Variants in PKM observed in about 807,000 individuals in gnomAD.
PKM encodes the protein pyruvate kinase PKM.
Under a neutral mutation model 49.8 loss-of-function variants are expected in PKM, and 18 were observed. The observed-to-expected ratio is 0.36, with a 90% confidence interval of 0.25 to 0.54. The LOEUF (loss-of-function observed/expected upper bound fraction) is 0.54. PKM is among the 20% of genes least tolerant of loss of function. The pLI, the probability that PKM is intolerant of heterozygous loss-of-function variation, is 0.89. For synonymous variants in PKM, 239 were observed against 261.8 expected, an observed-to-expected ratio of 0.91 and a Z score of 0.84; for missense variants, 508 against 713.8, an observed-to-expected ratio of 0.71 and a Z score of 3.28.
intron 3 of PKM, among the ~76,000 whole-genome samples, chr15:72,211,827 A>T (rs2082261330): frequency 6.6e-6 from 1 of 151,226 alleles, no homozygotes; most frequent in Non-Finnish European, 1.5e-5. Context: ...AAAAAAAAAA[A>T]GACGCAGAGC....
chr15:72,219,249 A>T, intron 1 of PKM, 139 bp from the exon 2 acceptor site: 1 of 740,552 alleles, frequency 1.4e-6, no homozygotes, highest in African/African-American at 1.8e-5. Context: ...GCCAGACATG[A>T]TCTGGTTATG....
intron 1 of PKM, chr15:72,229,817 T>C (rs1329724107): frequency 4.8e-5 from 25 of 519,926 alleles, no homozygotes; most frequent in Non-Finnish European, 6.5e-5. Flanking sequence ...ACGCGACAGA[T>C]TTCCTGCCCC....
chr15:72,218,661 C>T (rs987674140), intron 2 of PKM, among the ~76,000 whole-genome samples: 2 of 151,174 alleles, frequency 1.3e-5, no homozygotes, highest in Non-Finnish European at 1.5e-5. Flanking sequence ...TTTCGAGGCT[C>T]AGGCAATCCT....
At chr15:72,209,484 A>C in intron 5 of PKM, 189 bp downstream of exon 5, 1 of 466,646 alleles carries the variant, frequency 2.1e-6, no homozygotes, top group Non-Finnish European at 3.9e-6. Flanking sequence ...TGTTCTCCAG[A>C]ACCAGAAGAA....
intron 6 of PKM, among the ~76,000 whole-genome samples, chr15:72,207,582 G>A (rs7170259): frequency 7.9e-4 from 121 of 152,342 alleles, no homozygotes; most frequent in African/African-American, 2.7e-3. Context: ...TCCCATGCAT[G>A]TTAGGGGTCT....
intron 1 of PKM, among the ~76,000 whole-genome samples, chr15:72,224,636 G>A (rs1050416092): frequency 2.0e-5 from 3 of 152,146 alleles, no homozygotes; most frequent in African/African-American, 7.2e-5. Context: ...GCTGAGGCGG[G>A]CAGATCACTT....
At position 72,205,758 on chromosome 15, in the gene PKM, G is replaced by A. The variant is rs1014179438; in HGVS notation, c.1140+970C>T. Among the ~76,000 whole-genome samples, 3 of 151,442 alleles carry A rather than the reference G, an allele frequency of 2.0e-5. No homozygotes were observed. The Admixed American group carries it at 2.0e-4, about 10-fold the overall frequency. On this transcript the variant is annotated intron_variant, in intron 8 of 10. Transcript: ENST00000335181. ...TAGAAAGGGAATAGAAAGGCTGAAG[G>A]AAAACCATATCTGGATAAAGTTTAA...
At chr15:72,216,737 A>G (rs2082386432) in intron 3 of PKM, among the ~76,000 whole-genome samples, 1 of 152,240 alleles carries the variant, frequency 6.6e-6, no homozygotes, top group Non-Finnish European at 1.5e-5. Flanking sequence ...AACAGCTGCT[A>G]CCTGGCTCCT....
chr15:72,207,038 C>A, intron 7 of PKM, 89 bp downstream of exon 7: 1 of 1,546,448 alleles, frequency 6.5e-7, no homozygotes, highest in Admixed American at 1.7e-5. Context: ...TGCGACAATT[C>A]CATGGGAAGA....
At chr15:72,220,638 G>A (rs777835720) in intron 1 of PKM, among the ~76,000 whole-genome samples, 3 of 152,138 alleles carry the variant, frequency 2.0e-5, no homozygotes, top group South Asian at 2.1e-4. Flanking sequence ...TATCTACTAC[G>A]TACCAAAATG....
Position 72,203,643 on chromosome 15 carries a change from G to A in PKM, c.1141-1023C>T, listed in dbSNP as rs8192421. The A allele has an allele frequency of 9.4e-4, 187 of 198,752 alleles. 4 individuals carry two copies. In the East Asian group the frequency reaches 0.022, roughly 24 times the overall value. The allele number at this position is 198,752 out of a possible 1,614,324, so 12.3% of individuals were successfully genotyped here. ...GCCTCCATGCATGCATGGAGTGAGC[G>A]CTCACTTGGCTTCAGGCACGGGGAT... On this transcript the variant is annotated intron_variant, in intron 8 of 10. Coordinates refer to ENST00000335181, the MANE Select transcript of PKM (RefSeq NM_002654.6).
At position 72,212,810 on chromosome 15, in the gene PKM, G is replaced by T. The variant is rs1013097696; in HGVS notation, c.247-2332C>A. Reference sequence around the variant, plus strand: ...ACTCAGGCCAGGCGCAGTGGCTCACGCCTGTAATCCCAGCACTTTGGGAGG... The same window carrying T: ...ACTCAGGCCAGGCGCAGTGGCTCACTCCTGTAATCCCAGCACTTTGGGAGG... On this transcript the variant is annotated intron_variant, in intron 3 of 10. Coordinates refer to ENST00000335181, the MANE Select transcript of PKM (RefSeq NM_002654.6). Among the ~76,000 whole-genome samples the T allele has an allele frequency of 1.4e-4, 21 of 152,154 alleles. 1 individual carries two copies. The South Asian group carries it at 2.1e-3, about 15-fold the overall frequency.
rs2081960470 is a variant in PKM at position 72,202,135 on chromosome 15, T to G, written c.1307+319A>C. On this transcript the variant is annotated intron_variant, in intron 9 of 10. Coordinates refer to ENST00000335181, the MANE Select transcript of PKM (RefSeq NM_002654.6). The surrounding 1 kb of genome is among the most constrained non-coding windows in gnomAD (Gnocchi z 4.5). Reference sequence around the variant, plus strand: ...ACTGGAATAAGCAAAAGTGGTTATCTTTTACAATTTTAGAGGACTAAATTT... The same window carrying G: ...ACTGGAATAAGCAAAAGTGGTTATCGTTTACAATTTTAGAGGACTAAATTT... 2.5e-6 allele frequency: 1 copy of G among 392,650 alleles called. No individual in the cohort carries two copies. The allele number at this position is 392,650 out of a possible 1,614,324, so 24.3% of individuals were successfully genotyped here.
intron 1 of PKM, among the ~76,000 whole-genome samples, chr15:72,229,883 G>A (rs1356636585): frequency 6.7e-6 from 1 of 149,420 alleles, no homozygotes; most frequent in Non-Finnish European, 1.5e-5. Flanking sequence ...CAATCAGGAC[G>A]CATTTGTTAA....
intron 6 of PKM, among the ~76,000 whole-genome samples, 182 bp downstream of exon 6, chr15:72,208,439 A>T (rs1357796897): frequency 1.3e-5 from 2 of 151,608 alleles, no homozygotes; most frequent in African/African-American, 2.4e-5. Context: ...AAAAACAAAA[A>T]AACAAAAACA....
chr15:72,199,377 G>A lies in PKM; in HGVS notation c.*273C>T, dbSNP rs1431118480. On this transcript the variant is annotated 3_prime_UTR_variant, in exon 11 of 11. Transcript: ENST00000335181. ...CAGGAAAGGAAGCTGTCACCCTCTTGCCATCTGGCTCCAGGGGCCTCCAGT... is the reference window on the plus strand; with the variant it reads ...CAGGAAAGGAAGCTGTCACCCTCTTACCATCTGGCTCCAGGGGCCTCCAGT... 1.5e-6 allele frequency: 1 copy of A among 648,492 alleles called. No individual in the cohort carries two copies. The highest frequency in any genetic ancestry group is 1.8e-5 in the African/African-American group (1 of 55,992). The allele number at this position is 648,492 out of a possible 1,614,324, so 40.2% of individuals were successfully genotyped here. A position where few individuals can be genotyped will look rare whatever the true frequency, so the allele number is the denominator to read the frequency against.
chr15:72,202,383 A>G lies in PKM; in HGVS notation c.1307+71T>C. ...GTGCCACCTGAGCATTGTTCAATGG[A>G]CTGCTCCCAGGACCCCCAAGGTGAG... On this transcript the variant is annotated intron_variant, in intron 9 of 10. Transcript: ENST00000335181. This position sits in a 1 kb window ranked among gnomAD's most constrained non-coding sequence, Gnocchi z 4.5. 5.5e-6 allele frequency: 8 copies of G among 1,464,320 alleles called. No individual in the cohort carries two copies. The highest frequency in any genetic ancestry group is 7.5e-6 in the Non-Finnish European group (8 of 1,062,810). 90.7% of individuals were successfully genotyped at this position (1,464,320 alleles called of 1,614,324 possible).
In PKM at chr15:72,220,337, CAT is replaced by C. The variant is rs571824320; in HGVS notation, c.-13-1229_-13-1228del. On this transcript the variant is annotated intron_variant, in intron 1 of 10. Coordinates refer to ENST00000335181, the MANE Select transcript of PKM (RefSeq NM_002654.6). ...AAGTTCCAAATCAAGGCATCTCACA[CAT>C]ATGACCCTTACTCCTTTACCCTGTT... Among the ~76,000 whole-genome samples the C allele has an allele frequency of 4.1e-3, 632 of 152,336 alleles. 3 individuals are homozygous for C. The highest frequency in any genetic ancestry group is 6.8e-3 in the Non-Finnish European group (462 of 68,028).
intron 8 of PKM, among the ~76,000 whole-genome samples, chr15:72,206,100 A>T (rs545072747): frequency 1.3e-5 from 2 of 152,234 alleles, no homozygotes; most frequent in East Asian, 3.9e-4. Context: ...CAGTCACTCA[A>T]CCCGACTTTT....
Sources: allele counts gnomAD v4.1 joint callset (sites outside exome capture counted in the v4.1 genomes callset), GRCh38; gene constraint gnomAD v4.1.1; non-coding constraint Gnocchi (gnomAD v3.1); transcripts MANE v1.5; gene names NCBI Gene and HGNC (gene_info 2026-07-23, HGNC 2026-07-21).